The following BABAM1 variants were observed in gnomAD, a reference collection of about 807,000 sequenced individuals.
BABAM1 encodes BRISC and BRCA1 A complex member 1.
Under a neutral mutation model 34.4 loss-of-function variants are expected in BABAM1, and 14 were observed. That is an observed-to-expected ratio of 0.41 (90% CI 0.27 to 0.64). BABAM1 has a LOEUF of 0.64. BABAM1 is among the 30% of genes least tolerant of loss of function. The pLI, the probability that BABAM1 is intolerant of heterozygous loss-of-function variation, is 0.34. For missense variants in BABAM1, 393 were observed against 434.0 expected (o/e 0.91, Z 0.84); for synonymous variants, 169 against 165.8 (o/e 1.02, Z -0.15).
chr19:17,270,017 G>A (rs1467819113), intron 2 of BABAM1, among the ~76,000 whole-genome samples: 1 of 151,158 alleles, frequency 6.6e-6, no homozygotes, highest in African/African-American at 2.4e-5. Context: ...TGCAAGCTCT[G>A]CCTCCCGGGT....
At chr19:17,278,796 G>A (rs767493199) in intron 8 of BABAM1, 49 bp from the exon 9 acceptor site, 2 of 1,544,720 alleles carry the variant, frequency 1.3e-6, no homozygotes, top group Non-Finnish European at 1.8e-6. Context: ...GGCCTGTTGG[G>A]GTAACCTCTG....
At chr19:17,278,609 C>T (rs1188578974) in intron 8 of BABAM1, among the ~76,000 whole-genome samples, 2 of 152,166 alleles carry the variant, frequency 1.3e-5, no homozygotes, top group African/African-American at 4.8e-5. Context: ...GCGCCCGGCC[C>T]ACACTGGGGA....
intron 8 of BABAM1, chr19:17,277,182 GCTT>G: frequency 2.9e-6 from 1 of 350,762 alleles, no homozygotes; most frequent in South Asian, 6.6e-5. Context: ...TTGCTTGCTT[GCTT>G]GCTTTTCTTT....
intron 3 of BABAM1, among the ~76,000 whole-genome samples, chr19:17,273,566 T>TTTTTTTG (rs1555716594): frequency 1.9e-5 from 2 of 106,664 alleles, no homozygotes; most frequent in Non-Finnish European, 4.0e-5. Flanking sequence ...TTTGTTTTGT[T>TTTTTTTG]TTTTTTTTTT....
chr19:17,271,866 G>T (rs909999359), intron 3 of BABAM1, among the ~76,000 whole-genome samples: 1 of 151,922 alleles, frequency 6.6e-6, no homozygotes, highest in African/African-American at 2.4e-5. Context: ...TGAGGCTAGG[G>T]GTTCGAGACT....
chr19:17,270,493 C>T (rs968032356), intron 2 of BABAM1, among the ~76,000 whole-genome samples: 4 of 151,728 alleles, frequency 2.6e-5, no homozygotes, highest in African/African-American at 7.3e-5. Context: ...ATTACATCTG[C>T]AGAGACCCTG....
rs1252022116 is a variant in BABAM1 at position 17,276,864 on chromosome 19, C to T, written c.741C>T (p.Tyr247=). ...QCPYFFFDVV[Y]IHNGTEEKEE... ...CATATTTCTTCTTTGACGTTGTTTACATCCACAATGGCACTGAGGAGAAGG... is the reference window on the plus strand; with the variant it reads ...CATATTTCTTCTTTGACGTTGTTTATATCCACAATGGCACTGAGGAGAAGG... The change falls in exon 8 of 9, where the codon TAC becomes TAT. Residue 247 remains tyrosine, a synonymous_variant. Transcript: ENST00000598188. 2.5e-6 allele frequency: 4 copies of T among 1,605,024 alleles called. No individual in the cohort carries two copies. Among genetic ancestry groups the T allele is most frequent in the Non-Finnish European group, 3.4e-6 (4 of 1,175,818 alleles).
At chr19:17,275,767 GCTCTACTAGC>G (rs2073901003) in intron 5 of BABAM1, 24 bp from the exon 6 acceptor site, 1 of 1,613,376 alleles carries the variant, frequency 6.2e-7, no homozygotes, top group Non-Finnish European at 8.5e-7. Context: ...GCTCACTCGT[GCTCTACTAGC>G]CTTCTCCTTA....
chr19:17,268,688 C>G (rs1039874554), intron 1 of BABAM1, 106 bp from the exon 2 acceptor site: 3 of 1,297,608 alleles, frequency 2.3e-6, no homozygotes, highest in Non-Finnish European at 3.1e-6. Flanking sequence ...CTCGGCCTCC[C>G]AAAGTGCTGG....
chr19:17,274,180 C>G lies in BABAM1; in HGVS notation c.539C>G (p.Thr180Ser), dbSNP rs368067780. Residue 180 changes from threonine (T) to serine (S), a missense_variant, in exon 5 of 9, where the codon ACC becomes AGC. Transcript: ENST00000598188. ...LYDLETASCS[T>S]FNLEGLFSLI... Reference sequence around the variant, plus strand: ...GATCTGGAGACGGCCTCCTGTTCCACCTTCAGTATCCTTCCTGGCAGAGAT... The same window carrying G: ...GATCTGGAGACGGCCTCCTGTTCCAGCTTCAGTATCCTTCCTGGCAGAGAT... 6.2e-7 allele frequency: 1 copy of G among 1,612,738 alleles called. No homozygotes were observed. Among genetic ancestry groups the G allele is most frequent in the Non-Finnish European group, 8.5e-7 (1 of 1,179,818 alleles).
intron 2 of BABAM1, among the ~76,000 whole-genome samples, chr19:17,270,196 G>T (rs2073823445): frequency 6.6e-6 from 1 of 152,102 alleles, no homozygotes; most frequent in Non-Finnish European, 1.5e-5. Context: ...CTCCCAAAGT[G>T]CTGGGATTAC....
chr19:17,271,674 G>A lies in BABAM1; in HGVS notation c.344+19G>A. On this transcript the variant is annotated intron_variant, in intron 3 of 8. Transcript: ENST00000598188. The stretch of plus-strand genomic sequence containing the variant: ...TCAACGGGTAAGAGGGACATTTTAG[G>A]GCTTGAACATGCAGCCATGGCAGGG... The A allele has an allele frequency of 6.2e-7, 1 of 1,612,712 alleles. No homozygotes were observed. Among genetic ancestry groups the A allele is most frequent in the Non-Finnish European group, 8.5e-7 (1 of 1,179,064 alleles).
chr19:17,274,377 C>T, intron 5 of BABAM1, 192 bp downstream of exon 5: 1 of 668,532 alleles, frequency 1.5e-6, no homozygotes, highest in Non-Finnish European at 2.5e-6. Flanking sequence ...TTGCCTACCC[C>T]ATGGAGATGC....
At chr19:17,272,744 C>G (rs1292508764) in intron 3 of BABAM1, among the ~76,000 whole-genome samples, 1 of 151,738 alleles carries the variant, frequency 6.6e-6, no homozygotes, top group South Asian at 2.1e-4. Context: ...AGAAGCCGGG[C>G]TTGGTGGCTC....
At chr19:17,271,569 C>A (rs532310830) in intron 2 of BABAM1, 28 bp from the exon 3 acceptor site, 1 of 1,611,748 alleles carries the variant, frequency 6.2e-7, no homozygotes, top group Non-Finnish European at 8.5e-7. Context: ...GGTCAGAGGA[C>A]GCTCACCACC....
At chr19:17,275,886 A>C in intron 6 of BABAM1, 61 bp downstream of exon 6, 1 of 1,574,252 alleles carries the variant, frequency 6.4e-7, no homozygotes, top group Non-Finnish European at 8.7e-7. Flanking sequence ...TTCTGGGAAA[A>C]AGCTCCAAAC....
At chr19:17,272,561 C>G (rs188765196) in intron 3 of BABAM1, among the ~76,000 whole-genome samples, 19 of 151,738 alleles carry the variant, frequency 1.3e-4, no homozygotes, top group African/African-American at 4.3e-4. Context: ...CCTGCCACCA[C>G]GCCTGGCTAA....
In BABAM1 at chr19:17,267,776, C is replaced by T. The variant is rs1300116896; in HGVS notation, c.-14+249C>T. On this transcript the variant is annotated intron_variant, in intron 1 of 8. Coordinates refer to ENST00000598188, the MANE Select transcript of BABAM1 (RefSeq NM_014173.4). ...ATAGACAAACTGCTCCATTCGCGTC[C>T]TGTTTCTCTCCAAGGGGAACCACAG... Among the ~76,000 whole-genome samples the T allele has an allele frequency of 3.3e-5, 5 of 152,224 alleles. No homozygotes were observed. In the East Asian group the frequency reaches 5.8e-4, roughly 18 times the overall value.
In BABAM1 at chr19:17,269,091, G is replaced by T. The variant is rs781519622; in HGVS notation, c.285G>T (p.Val95=). 60 of 1,600,508 alleles carry T rather than the reference G, an allele frequency of 3.7e-5. No individual in the cohort carries two copies. The Middle Eastern group carries it at 5.9e-4, about 16-fold the overall frequency. Reference sequence around the variant, plus strand: ...CAAGGGTCAACTGTCCAGAGAAAGTGGTAAGTAGAGGGGGTGGCCTGGGGC... The same window carrying T: ...CAAGGGTCAACTGTCCAGAGAAAGTTGTAAGTAGAGGGGGTGGCCTGGGGC... The part of the protein sequence containing the change: ...RTPRVNCPEK[V]IICLDLSEEM... The change falls in exon 2 of 9, where the codon GTG becomes GTT. Residue 95 remains valine (V), a splice_region_variant and synonymous_variant. Transcript: ENST00000598188.
Sources: allele counts gnomAD v4.1 joint callset (sites outside exome capture counted in the v4.1 genomes callset), GRCh38; gene constraint gnomAD v4.1.1; transcripts MANE v1.5; gene names NCBI Gene and HGNC (gene_info 2026-07-23, HGNC 2026-07-21).